ANO10: variants seen among roughly 807,000 people sequenced by gnomAD.
ANO10 encodes anoctamin 10, also known as anoctamin-10.
A neutral mutation model predicts 74.7 loss-of-function variants in ANO10; 77 were observed. The observed-to-expected ratio is 1.03, with a 90% CI of 0.86 to 1.25. ANO10 has a LOEUF of 1.25. Ranked by LOEUF, ANO10 falls within the 50% of genes most tolerant of loss-of-function variation. The pLI is 0.00. For missense variants in ANO10, 721 were observed against 778.1 expected (o/e 0.93, Z 0.87); for synonymous variants, 279 against 284.9 (o/e 0.98, Z 0.21).
intron 11 of ANO10, among the ~76,000 whole-genome samples, chr3:43,512,058 G>A (rs952324214): frequency 6.6e-6 from 1 of 152,182 alleles, no homozygotes; most frequent in African/African-American, 2.4e-5. Context: ...GCTGGGGTGG[G>A]AGTGTGGAGA....
intron 11 of ANO10, among the ~76,000 whole-genome samples, chr3:43,535,939 G>A (rs1397055179): frequency 6.6e-6 from 1 of 152,196 alleles, no homozygotes; most frequent in Non-Finnish European, 1.5e-5. Context: ...AAAGTCTGTT[G>A]TCCCTCATTT....
chr3:43,414,908 A>G (rs6784075), intron 12 of ANO10, among the ~76,000 whole-genome samples: 148,021 of 150,826 alleles, frequency 0.98, 72,702 homozygotes, highest in East Asian at 1. Flanking sequence ...CACAGACTTA[A>G]AGTCAATGAC....
chr3:43,390,697 T>C (rs1162562912), intron 12 of ANO10, among the ~76,000 whole-genome samples: 1 of 152,216 alleles, frequency 6.6e-6, no homozygotes, highest in Non-Finnish European at 1.5e-5. Flanking sequence ...GGAGGACTTA[T>C]GTACAGTAAC....
intron 1 of ANO10, among the ~76,000 whole-genome samples, chr3:43,681,445 T>C (rs1292905179): frequency 6.6e-6 from 1 of 151,794 alleles, no homozygotes; most frequent in African/African-American, 2.4e-5. Flanking sequence ...CTCAGAGACC[T>C]ACAAAGAGAC....
At chr3:43,404,667 A>C (rs1423477999) in intron 12 of ANO10, among the ~76,000 whole-genome samples, 2 of 152,132 alleles carry the variant, frequency 1.3e-5, no homozygotes, top group East Asian at 3.9e-4. Flanking sequence ...GAATAGCTTG[A>C]GCCCAGGAGT....
intron 12 of ANO10, among the ~76,000 whole-genome samples, chr3:43,421,650 C>A (rs1245789437): frequency 6.6e-6 from 1 of 152,138 alleles, no homozygotes; most frequent in African/African-American, 2.4e-5. Context: ...CATGGCAAGA[C>A]CCTGTCTCTA....
intron 11 of ANO10, among the ~76,000 whole-genome samples, chr3:43,532,647 C>G (rs777389433): frequency 1.3e-5 from 2 of 152,148 alleles, no homozygotes; most frequent in Non-Finnish European, 1.5e-5. Context: ...TAACCACCAC[C>G]ACAATCAGGT....
intron 11 of ANO10, among the ~76,000 whole-genome samples, chr3:43,508,406 A>T (rs949718421): frequency 2.6e-5 from 4 of 152,230 alleles, no homozygotes; most frequent in African/African-American, 9.6e-5. Flanking sequence ...AGGATCTAGA[A>T]CCAGAAATAC....
At chr3:43,674,445 T>C (rs1279443917) in intron 1 of ANO10, among the ~76,000 whole-genome samples, 2 of 152,174 alleles carry the variant, frequency 1.3e-5, no homozygotes, top group Non-Finnish European at 2.9e-5. Flanking sequence ...TCACCATGCC[T>C]GGCCACGGGA....
intron 12 of ANO10, among the ~76,000 whole-genome samples, chr3:43,407,538 T>A (rs1022917289): frequency 6.6e-6 from 1 of 152,192 alleles, no homozygotes; most frequent in Non-Finnish European, 1.5e-5. Context: ...ATGTACCACC[T>A]TCCTTGGAAG....
intron 11 of ANO10, among the ~76,000 whole-genome samples, chr3:43,543,490 C>T (rs761498449): frequency 6.6e-6 from 1 of 152,154 alleles, no homozygotes. Context: ...CCCGAATTCA[C>T]GACATTCTCC....
intron 1 of ANO10, chr3:43,653,091 G>C (rs2083807218): frequency 6.6e-6 from 1 of 151,894 alleles, no homozygotes; most frequent in African/African-American, 2.4e-5. Flanking sequence ...CATGCCTGTA[G>C]TCCCAGCTAC....
chr3:43,487,856 G>A (rs1038265741), intron 11 of ANO10, among the ~76,000 whole-genome samples: 5 of 151,614 alleles, frequency 3.3e-5, no homozygotes, highest in Non-Finnish European at 7.4e-5. Flanking sequence ...AGCCCGCATC[G>A]CCAAGTCAAT....
At chr3:43,626,227 C>G (rs2083489997), upstream of ANO10, among the ~76,000 whole-genome samples, 1 of 151,994 alleles carries the variant, frequency 6.6e-6, no homozygotes, top group Non-Finnish European at 1.5e-5. Context: ...AGCCACCATG[C>G]CTGGCCCAAT....
intron 1 of ANO10, chr3:43,691,000 CGGA>C (rs745980662): frequency 3.2e-5 from 50 of 1,570,750 alleles, no homozygotes; most frequent in East Asian, 1.5e-4. Flanking sequence ...GCTATGGCGG[CGGA>C]GGAGGAGGAG....
At chr3:43,451,472 T>C (rs1337074132) in intron 11 of ANO10, among the ~76,000 whole-genome samples, 2 of 152,214 alleles carry the variant, frequency 1.3e-5, no homozygotes, top group Non-Finnish European at 2.9e-5. Context: ...TCTCAAGAGC[T>C]TTCTCTAACG....
chr3:43,654,318 G>C (rs556780151), intron 1 of ANO10, among the ~76,000 whole-genome samples: 1 of 152,036 alleles, frequency 6.6e-6, no homozygotes, highest in Non-Finnish European at 1.5e-5. Flanking sequence ...ATACTCTGTT[G>C]GGTCTCCTTT....
chr3:43,640,903 G>T (rs1291232484), intron 1 of ANO10, among the ~76,000 whole-genome samples: 1 of 151,992 alleles, frequency 6.6e-6, no homozygotes, highest in African/African-American at 2.4e-5. Context: ...GTGTTTCAAG[G>T]GGACTTCCAT....
At chr3:43,555,250 A>G (rs2079682719) in intron 10 of ANO10, 28 bp downstream of exon 10, 4 of 1,606,518 alleles carry the variant, frequency 2.5e-6, no homozygotes, top group African/African-American at 2.7e-5. Flanking sequence ...TATTTTTTAA[A>G]GGAATAATTT....
Sources: gnomAD v4.1 joint callset for allele counts (sites outside exome capture counted in the v4.1 genomes callset) on GRCh38, gnomAD v4.1.1 for gene constraint, MANE v1.5 for transcripts, NCBI Gene and HGNC (gene_info 2026-07-23, HGNC 2026-07-21) for gene names.